ARHGEF28: variants seen among roughly 807,000 people sequenced by gnomAD.
ARHGEF28 encodes the protein Rho guanine nucleotide exchange factor 28.
A neutral mutation model predicts 206.6 loss-of-function variants in ARHGEF28; 152 were observed. The ratio of observed to expected loss-of-function variants is 0.74; its 90% CI spans 0.64 to 0.84. ARHGEF28 has a LOEUF of 0.84. Among genes scored for constraint, ARHGEF28 ranks in the 40% least tolerant of loss-of-function variants. The pLI is 0.00. For synonymous variants in ARHGEF28, 763 were observed against 776.4 expected, an observed-to-expected ratio of 0.98 and a Z score of 0.29; for missense variants, 2,028 against 2,073.2, an observed-to-expected ratio of 0.98 and a Z score of 0.42.
chr5:73,633,765 C>T (rs370693384), intron 1 of ARHGEF28, among the ~76,000 whole-genome samples: 2 of 151,444 alleles, frequency 1.3e-5, no homozygotes, highest in African/African-American at 2.4e-5. Context: ...TTAGTAGAGA[C>T]GGAGTTTCAC....
At position 73,794,440 on chromosome 5, in the gene ARHGEF28, A is replaced by T; in HGVS notation, c.949A>T (p.Lys317Ter). Residue 317 changes from lysine to a stop codon, truncating the protein, a stop_gained, in exon 8 of 36, where the codon AAG (lysine) becomes TAG (stop). Coordinates refer to ENST00000513042, the MANE Select transcript of ARHGEF28 (RefSeq NM_001177693.2). LOFTEE classifies it high-confidence loss of function. ...NSVSSRSAAE[K>*]EDIKRVKSLV... ...AGTGTCCAGCAGATCAGCAGCTGAA[A>T]AGGAAGATATAAAGGTAATGAATGA... 1 of 1,602,404 alleles carries T rather than the reference A, an allele frequency of 6.2e-7. No homozygotes were observed.
intron 9 of ARHGEF28, among the ~76,000 whole-genome samples, chr5:73,815,415 A>G (rs1448151341): frequency 6.6e-6 from 1 of 152,102 alleles, no homozygotes; most frequent in Admixed American, 6.6e-5. Context: ...TAAATAAAAA[A>G]CCATGTAAAT....
At chr5:73,878,962 G>A (rs4330446) in intron 22 of ARHGEF28, among the ~76,000 whole-genome samples, 90,145 of 151,668 alleles carry the variant, frequency 0.59, 27,458 homozygotes, top group African/African-American at 0.7. Flanking sequence ...CTGAATCTCA[G>A]TGTTGGCCTG....
chr5:73,793,944 G>A (rs752591275), intron 7 of ARHGEF28, among the ~76,000 whole-genome samples: 1 of 152,080 alleles, frequency 6.6e-6, no homozygotes, highest in African/African-American at 2.4e-5. Flanking sequence ...TCAGTGATGT[G>A]TAAGGAAAAG....
intron 1 of ARHGEF28, among the ~76,000 whole-genome samples, chr5:73,682,800 C>G (rs1277750591): frequency 6.6e-6 from 1 of 152,188 alleles, no homozygotes; most frequent in African/African-American, 2.4e-5. Context: ...GCCAGCCACT[C>G]GGGAGGCTAA....
In ARHGEF28 at chr5:73,864,804, C is replaced by T. The variant is rs373156034; in HGVS notation, c.2048-13C>T. 159 of 1,609,058 alleles carry T rather than the reference C, an allele frequency of 9.9e-5. 1 individual carries two copies. In the African/African-American group the frequency reaches 1.7e-3, roughly 17 times the overall value. On this transcript the variant is annotated splice_polypyrimidine_tract_variant and intron_variant, in intron 16 of 35. Transcript: ENST00000513042. ...TAAGATGGATGCTTTTGTATCTTTT[C>T]CCTTTATTTCAGACTGTAATGCAAA...
intron 2 of ARHGEF28, among the ~76,000 whole-genome samples, chr5:73,735,595 T>C (rs1353653710): frequency 6.6e-6 from 1 of 152,230 alleles, no homozygotes; most frequent in Non-Finnish European, 1.5e-5. Flanking sequence ...AGAAAGAGAC[T>C]GTAGCTCAAG....
At chr5:73,888,819 A>T (rs1761454974) in intron 26 of ARHGEF28, among the ~76,000 whole-genome samples, 1 of 152,084 alleles carries the variant, frequency 6.6e-6, no homozygotes, top group Admixed American at 6.6e-5. Context: ...AACATTTACC[A>T]TTAAGTGAGG....
intron 1 of ARHGEF28, among the ~76,000 whole-genome samples, chr5:73,647,565 G>C (rs919998184): frequency 1.3e-5 from 2 of 152,200 alleles, no homozygotes; most frequent in Non-Finnish European, 2.9e-5. Context: ...AAAAGTGGTA[G>C]GTGAAAGTAA....
intron 3 of ARHGEF28, among the ~76,000 whole-genome samples, chr5:73,750,788 A>G (rs2112398686): frequency 6.6e-6 from 1 of 152,198 alleles, no homozygotes; most frequent in Non-Finnish European, 1.5e-5. Flanking sequence ...GGTTTTTCTT[A>G]ACTGTGGGTC....
chr5:73,883,308 A>G lies in ARHGEF28; in HGVS notation c.2938-459A>G, dbSNP rs1761069491. Among the ~76,000 whole-genome samples the G allele has an allele frequency of 5.3e-5, 8 of 152,280 alleles. No individual in the cohort carries two copies. The South Asian group carries it at 1.7e-3, about 32-fold the overall frequency. ...ATAAATGTGTGTTGAGGACTTGAAT[A>G]CTATGAGGAATACTTTGATATTTTT... is the stretch of plus-strand genomic sequence containing the variant. On this transcript the variant is annotated intron_variant, in intron 23 of 35. Transcript: ENST00000513042.
rs1345981200 is a variant in ARHGEF28, at chr5:73,894,586, G to A, written c.3841+11G>A. On this transcript the variant is annotated intron_variant, in intron 29 of 35. Coordinates refer to ENST00000513042, the MANE Select transcript of ARHGEF28 (RefSeq NM_001177693.2). ...CAGCACTGAAAGAAGGTAAACTGCT[G>A]TGAGAAGGGTTTGGGTCGACACGTT... is the stretch of plus-strand genomic sequence containing the variant. 6 of 1,612,560 alleles carry A rather than the reference G, an allele frequency of 3.7e-6. No homozygotes were observed. Among genetic ancestry groups the A allele is most frequent in the African/African-American group, 1.3e-5 (1 of 74,882 alleles).
At chr5:73,826,346 A>C (rs187349973) in intron 9 of ARHGEF28, among the ~76,000 whole-genome samples, 3 of 152,252 alleles carry the variant, frequency 2.0e-5, no homozygotes, top group Non-Finnish European at 2.9e-5. Context: ...TGCTGTTCAT[A>C]AAGGTCTAGA....
At chr5:73,853,463 G>A (rs1312124891) in intron 14 of ARHGEF28, among the ~76,000 whole-genome samples, 2 of 152,320 alleles carry the variant, frequency 1.3e-5, no homozygotes, top group East Asian at 3.9e-4. Context: ...AAACGTTTTA[G>A]TATACGGATC....
chr5:73,648,151 T>C (rs1744559928), intron 1 of ARHGEF28, among the ~76,000 whole-genome samples: 1 of 152,228 alleles, frequency 6.6e-6, no homozygotes, highest in Admixed American at 6.5e-5. Flanking sequence ...TTTGATTCTA[T>C]TTAGTATACT....
Position 73,846,396 on chromosome 5 carries a change from C to G in ARHGEF28, c.1556C>G (p.Ser519Cys), listed in dbSNP as rs1171422335. 1.9e-6 allele frequency: 3 copies of G among 1,613,958 alleles called. No individual in the cohort carries two copies. Among genetic ancestry groups the G allele is most frequent in the South Asian group, 1.1e-5 (1 of 91,082 alleles). The change falls in exon 12 of 36, where the codon TCT becomes TGT. Residue 519 changes from serine to cysteine, a missense_variant. Coordinates refer to ENST00000513042, the MANE Select transcript of ARHGEF28 (RefSeq NM_001177693.2). ...TGIPSGDELD[S>C]FETNTEPDFN... ...ATTCCTAGTGGGGATGAATTGGACT[C>G]TTTTGAGACTAACACTGAACCGGAT...
chr5:73,751,014 T>C (rs1246123908), intron 3 of ARHGEF28, among the ~76,000 whole-genome samples: 1 of 152,244 alleles, frequency 6.6e-6, no homozygotes, highest in African/African-American at 2.4e-5. Flanking sequence ...TCTTGGTCAC[T>C]GAATTAATCT....
intron 2 of ARHGEF28, among the ~76,000 whole-genome samples, chr5:73,737,455 T>TTCTTTTCTTG (rs2112364343): frequency 2.2e-5 from 1 of 45,418 alleles, no homozygotes; most frequent in South Asian, 7.0e-4. Context: ...TTCTTTTCTT[T>TTCTTTTCTTG]TCTTTTCTTT....
chr5:73,711,064 T>A (rs903874701), intron 2 of ARHGEF28, among the ~76,000 whole-genome samples: 2 of 152,190 alleles, frequency 1.3e-5, no homozygotes, highest in African/African-American at 4.8e-5. Context: ...AATATTGTCC[T>A]TTCTCCATTG....
Sources: allele counts gnomAD v4.1 joint callset (sites outside exome capture counted in the v4.1 genomes callset), GRCh38; gene constraint gnomAD v4.1.1; transcripts MANE v1.5; gene names NCBI Gene and HGNC (gene_info 2026-07-23, HGNC 2026-07-21).